Variants in ITGAL observed in about 807,000 individuals in gnomAD.
ITGAL encodes the protein integrin subunit alpha L.
ITGAL carries 68 observed loss-of-function variants against 138.4 expected under a neutral mutation model. The ratio of observed to expected loss-of-function variants is 0.49; its 90% CI spans 0.40 to 0.60. The LOEUF (loss-of-function observed/expected upper bound fraction) is 0.60, where lower values mean the gene tolerates loss of function less well. ITGAL is among the 20% of genes least tolerant of loss of function. ITGAL has a pLI of 0.00. For missense variants in ITGAL, 1,256 were observed against 1,478.6 expected, an observed-to-expected ratio of 0.85 and a Z score of 2.47; for synonymous variants, 561 against 584.3, an observed-to-expected ratio of 0.96 and a Z score of 0.57.
At chr16:30,514,572 C>T (rs959086137) in intron 25 of ITGAL, among the ~76,000 whole-genome samples, 1 of 151,782 alleles carries the variant, frequency 6.6e-6, no homozygotes, top group Non-Finnish European at 1.5e-5. Context: ...CCACCGCACC[C>T]GGCCCTATGC....
chr16:30,479,024 G>T, intron 4 of ITGAL, 67 bp from the exon 5 acceptor site: 1 of 1,165,948 alleles, frequency 8.6e-7, no homozygotes, highest in Non-Finnish European at 1.3e-6. Flanking sequence ...TCCTAGTTTT[G>T]GTTGATGTTG....
In ITGAL at chr16:30,518,720, G is replaced by C. The variant is rs769689908; in HGVS notation, c.3228+1G>C. On this transcript the variant is annotated splice_donor_variant, in intron 29 of 30. Coordinates refer to ENST00000356798, the MANE Select transcript of ITGAL (RefSeq NM_002209.3). LOFTEE classifies it high-confidence loss of function. ...TGGCAGCAACGCCTCCCTGGCCCAGGTATCTCCACCTCCTTGGAAGCCCCA... is the reference window on the plus strand; with the variant it reads ...TGGCAGCAACGCCTCCCTGGCCCAGCTATCTCCACCTCCTTGGAAGCCCCA... 3.7e-6 allele frequency: 6 copies of C among 1,607,888 alleles called. No individual in the cohort carries two copies. The highest frequency in any genetic ancestry group is 5.1e-6 in the Non-Finnish European group (6 of 1,174,352).
Position 30,504,235 on chromosome 16 carries a change from GAGGA to G in ITGAL, c.2210_2213del (p.Glu737GlyfsTer17). The G allele has an allele frequency of 6.2e-7, 1 of 1,613,674 alleles. No individual in the cohort carries two copies. The highest frequency in any genetic ancestry group is 8.5e-7 in the Non-Finnish European group (1 of 1,179,616). On this transcript the variant is annotated frameshift_variant, in exon 18 of 31. Transcript: ENST00000356798. LOFTEE classifies it high-confidence loss of function. ...TTCCCTGAATTTCTCTCTTTGGGAG[GAGGA>G]AGGGACACCGAGGGACCAAAGGGCG... is the stretch of plus-strand genomic sequence containing the variant.
intron 9 of ITGAL, among the ~76,000 whole-genome samples, chr16:30,485,115 T>G (rs190035242): frequency 6.6e-6 from 1 of 151,368 alleles, no homozygotes; most frequent in Non-Finnish European, 1.5e-5. Context: ...TCTTCCTTCT[T>G]TCTCTCCTTC....
chr16:30,474,861 T>C (rs868122780), intron 2 of ITGAL, among the ~76,000 whole-genome samples: 13 of 61,364 alleles, frequency 2.1e-4, no homozygotes, highest in African/African-American at 5.3e-4. Context: ...TTTTTTTTTC[T>C]TTTTTTTTTT....
rs749510720 is a variant in ITGAL, at chr16:30,494,404, G to A, written c.1365+41G>A. On this transcript the variant is annotated intron_variant, in intron 12 of 30. Transcript: ENST00000356798. The surrounding 1 kb of genome is among the most constrained non-coding windows in gnomAD (Gnocchi z 4.2). ...GGGCATCTGCAGACCAGGGACTGGC[G>A]GGACACACATCACACTCCCTTCTGT... 1.7e-5 allele frequency: 27 copies of A among 1,559,478 alleles called. 2 individuals are homozygous for A. In the South Asian group the frequency reaches 2.6e-4, roughly 15 times the overall value.
At chr16:30,500,664 C>T (rs1021821511) in intron 17 of ITGAL, among the ~76,000 whole-genome samples, 1 of 152,080 alleles carries the variant, frequency 6.6e-6, no homozygotes, top group African/African-American at 2.4e-5. Context: ...ATCCTCCCAC[C>T]TCAGCCTCCC....
At position 30,501,004 on chromosome 16, in the gene ITGAL, CA is replaced by C. The variant is rs753921620; in HGVS notation, c.2145+1529del. Among the ~76,000 whole-genome samples, 687 of 134,058 alleles carry C rather than the reference CA, an allele frequency of 5.1e-3. 2 individuals are homozygous for C. The highest frequency in any genetic ancestry group is 8.6e-3 in the African/African-American group (316 of 36,716). 87.9% of individuals were successfully genotyped at this position (134,058 alleles called of 152,430 possible). A position where few individuals can be genotyped will look rare whatever the true frequency, so the allele number is the denominator to read the frequency against. On this transcript the variant is annotated intron_variant, in intron 17 of 30. Coordinates refer to ENST00000356798, the MANE Select transcript of ITGAL (RefSeq NM_002209.3). ...GGGCAACAAGAGTGAAACTCCATCT[CA>C]AAAAAAAAAAAAATAGTTTTTGTAG...
At chr16:30,496,807 A>ATT (rs1315054937) in intron 15 of ITGAL, among the ~76,000 whole-genome samples, 1 of 79,702 alleles carries the variant, frequency 1.3e-5, no homozygotes, top group Non-Finnish European at 2.5e-5. Context: ...ACACCTGGCT[A>ATT]ATTTTTTTTT....
rs765065123 is a variant in ITGAL at position 30,499,061 on chromosome 16, T to C, written c.1833-13T>C. 4 of 1,612,780 alleles carry C rather than the reference T, an allele frequency of 2.5e-6. No homozygotes were observed. Among genetic ancestry groups the C allele is most frequent in the African/African-American group, 1.3e-5 (1 of 75,040 alleles). ...GGTTGGAGGGAGAGAGTTGGTTGCC[T>C]TCTGCCCTGCAGCTCCCGGCCCGTG... On this transcript the variant is annotated splice_polypyrimidine_tract_variant and intron_variant, in intron 15 of 30. Coordinates refer to ENST00000356798, the MANE Select transcript of ITGAL (RefSeq NM_002209.3).
chr16:30,504,715 GAA>G (rs576084948), intron 18 of ITGAL, among the ~76,000 whole-genome samples: 4 of 121,934 alleles, frequency 3.3e-5, no homozygotes, highest in Middle Eastern at 9.0e-3. Context: ...CTCTAAAGAA[GAA>G]AAAAAAAAAA....
chr16:30,519,842 TC>T lies in ITGAL; in HGVS notation c.3229-10del. 1 of 1,568,198 alleles carries T rather than the reference TC, an allele frequency of 6.4e-7. No individual in the cohort carries two copies. The highest frequency in any genetic ancestry group is 8.8e-7 in the Non-Finnish European group (1 of 1,138,426). On this transcript the variant is annotated splice_polypyrimidine_tract_variant and intron_variant, in intron 29 of 30. Coordinates refer to ENST00000356798, the MANE Select transcript of ITGAL (RefSeq NM_002209.3). The stretch of plus-strand genomic sequence containing the variant: ...GAAAAGGCATTTTCCGGCACTCCCC[TC>T]CCCCTGCTCCCAGGTTGTCATGAAG...
At chr16:30,496,002 A>ACCC (rs1376376197) in intron 13 of ITGAL, 95 bp from the exon 14 acceptor site, 2 of 1,009,452 alleles carry the variant, frequency 2.0e-6, no homozygotes, top group Non-Finnish European at 3.1e-6. Context: ...TCTGTGAGGG[A>ACCC]CCCCATCTTA....
In ITGAL at chr16:30,494,159, T is replaced by A; in HGVS notation, c.1214-53T>A. ...GGGCCCCTGCCCCTCTCCTGCTGGG[T>A]GTTCTTCCAGCATCCTGTGTTCCTA... On this transcript the variant is annotated intron_variant, in intron 11 of 30. Coordinates refer to ENST00000356798, the MANE Select transcript of ITGAL (RefSeq NM_002209.3). This position sits in a 1 kb window ranked among gnomAD's most constrained non-coding sequence, Gnocchi z 4.2. 6.7e-7 allele frequency: 1 copy of A among 1,485,482 alleles called. No individual in the cohort carries two copies. Among genetic ancestry groups the A allele is most frequent in the Non-Finnish European group, 9.1e-7 (1 of 1,093,896 alleles). The allele number at this position is 1,485,482 out of a possible 1,614,324, so 92.0% of individuals were successfully genotyped here. A position where few individuals can be genotyped will look rare whatever the true frequency, so the allele number is the denominator to read the frequency against.
Position 30,499,364 on chromosome 16 carries a change from A to G in ITGAL, c.2020A>G (p.Thr674Ala), listed in dbSNP as rs1268233392. ...QGRLVANLTY[T>A]LQLDGHRTRR... ...CCGCCTGGTTGCCAATCTCACTTAC[A>G]CTCTGCAGCTGGATGGCCACCGGAC... is the stretch of plus-strand genomic sequence containing the variant. Residue 674 changes from threonine (T) to alanine (A), a missense_variant, in exon 17 of 31, where the codon ACT (threonine) becomes GCT (alanine). By Grantham distance (58) the Thr-to-Ala change is moderately conservative. Coordinates refer to ENST00000356798, the MANE Select transcript of ITGAL (RefSeq NM_002209.3). 1 of 1,613,170 alleles carries G rather than the reference A, an allele frequency of 6.2e-7. No homozygotes were observed. The highest frequency in any genetic ancestry group is 1.7e-5 in the Admixed American group (1 of 59,834).
chr16:30,488,960 C>T, intron 9 of ITGAL, 122 bp from the exon 10 acceptor site: 1 of 805,258 alleles, frequency 1.2e-6, no homozygotes, highest in East Asian at 2.5e-5. Context: ...GCCTGACCCT[C>T]ACATGCATGC....
At chr16:30,481,347 A>C (rs2050557753) in intron 6 of ITGAL, 92 bp from the exon 7 acceptor site, 2 of 19,726 alleles carry the variant, frequency 1.0e-4, no homozygotes, top group African/African-American at 3.4e-4. Context: ...ACTCCATCTA[A>C]AAAAAAAAAA....
intron 26 of ITGAL, 108 bp downstream of exon 26, chr16:30,517,194 C>A: frequency 1.4e-6 from 1 of 713,578 alleles, no homozygotes; most frequent in Non-Finnish European, 2.4e-6. Context: ...CTCTGCCTCC[C>A]AAATCCCAGC....
intron 25 of ITGAL, among the ~76,000 whole-genome samples, chr16:30,515,310 C>T (rs1347629677): frequency 6.6e-6 from 1 of 152,188 alleles, no homozygotes; most frequent in Non-Finnish European, 1.5e-5. Flanking sequence ...TGTCCTTTTT[C>T]TGCTACCGCC....
Sources: gnomAD v4.1 joint callset for allele counts (sites outside exome capture counted in the v4.1 genomes callset) on GRCh38, gnomAD v4.1.1 for gene constraint, Gnocchi (gnomAD v3.1) non-coding constraint, MANE v1.5 for transcripts, NCBI Gene and HGNC (gene_info 2026-07-23, HGNC 2026-07-21) for gene names.